Variants in TEAD1 observed in about 807,000 individuals in gnomAD.
TEAD1 encodes TEA domain transcription factor 1, also known as transcriptional enhancer factor TEF-1.
TEAD1 carries 9 observed loss-of-function variants against 54.9 expected under a neutral mutation model. The ratio of observed to expected loss-of-function variants is 0.16; its 90% CI spans 0.10 to 0.29. The LOEUF is 0.29. TEAD1 is among the 10% of genes least tolerant of loss of function. TEAD1 has a pLI of 1.00. For missense variants in TEAD1, 387 were observed against 535.9 expected, an observed-to-expected ratio of 0.72 and a Z score of 2.74; for synonymous variants, 200 against 187.8, an observed-to-expected ratio of 1.07 and a Z score of -0.53.
intron 5 of TEAD1, among the ~76,000 whole-genome samples, chr11:12,866,096 G>A (rs1486988768): frequency 3.9e-5 from 6 of 152,190 alleles, no homozygotes; most frequent in Non-Finnish European, 7.3e-5. Context: ...TCGCTCGCAC[G>A]TGTGGCTGAT....
intron 9 of TEAD1, among the ~76,000 whole-genome samples, chr11:12,899,229 G>A (rs1948376213): frequency 6.6e-6 from 1 of 152,202 alleles, no homozygotes; most frequent in Non-Finnish European, 1.5e-5. Flanking sequence ...AACTGGGGCG[G>A]TCTGAGAGCT....
At chr11:12,860,195 T>G (rs778999420) in intron 3 of TEAD1, among the ~76,000 whole-genome samples, 30 of 152,168 alleles carry the variant, frequency 2.0e-4, no homozygotes, top group Non-Finnish European at 3.5e-4. Context: ...GGACTGGACT[T>G]CTTGTTAAGA....
chr11:12,722,780 T>C (rs1055801356), intron 2 of TEAD1, among the ~76,000 whole-genome samples: 5 of 152,180 alleles, frequency 3.3e-5, no homozygotes, highest in African/African-American at 1.2e-4. Context: ...TTAGCCCTTG[T>C]CTGTATGCAG....
intron 2 of TEAD1, among the ~76,000 whole-genome samples, chr11:12,749,626 G>GC (rs898653061): frequency 2.0e-5 from 3 of 152,182 alleles, no homozygotes; most frequent in Admixed American, 2.0e-4. Context: ...GAAGGCGCAG[G>GC]CCTGATGTCA....
intron 3 of TEAD1, among the ~76,000 whole-genome samples, chr11:12,790,944 G>T (rs939059517): frequency 6.6e-6 from 1 of 152,222 alleles, no homozygotes; most frequent in Non-Finnish European, 1.5e-5. Flanking sequence ...TTGGAAAGCA[G>T]CCTGGCAGTT....
chr11:12,739,230 A>G (rs182000858), intron 2 of TEAD1, among the ~76,000 whole-genome samples: 1 of 150,818 alleles, frequency 6.6e-6, no homozygotes, highest in Non-Finnish European at 1.5e-5. Flanking sequence ...CTGTCTATCT[A>G]TCTATCTATC....
chr11:12,874,360 A>G (rs1589947946), intron 5 of TEAD1, among the ~76,000 whole-genome samples: 1 of 152,330 alleles, frequency 6.6e-6, no homozygotes, highest in East Asian at 1.9e-4. Flanking sequence ...TTTTAAGAGT[A>G]CACCACTCCA....
chr11:12,733,265 C>T (rs1369284881), intron 2 of TEAD1, among the ~76,000 whole-genome samples: 3 of 152,192 alleles, frequency 2.0e-5, no homozygotes, highest in Non-Finnish European at 4.4e-5. Context: ...AATTGGATGA[C>T]AGTGAACTTT....
intron 2 of TEAD1, among the ~76,000 whole-genome samples, chr11:12,704,212 G>A (rs552620757): frequency 2.2e-4 from 33 of 152,314 alleles, no homozygotes; most frequent in South Asian, 1.0e-3. Flanking sequence ...CTTCTGCCAA[G>A]CACAGGAAGA....
At chr11:12,830,460 A>T (rs939371661) in intron 3 of TEAD1, among the ~76,000 whole-genome samples, 2 of 152,074 alleles carry the variant, frequency 1.3e-5, no homozygotes, top group Non-Finnish European at 2.9e-5. Context: ...TTCATGTTAC[A>T]TCTGGCTGCA....
At chr11:12,766,037 G>A (rs1431855501) in intron 3 of TEAD1, among the ~76,000 whole-genome samples, 2 of 152,168 alleles carry the variant, frequency 1.3e-5, no homozygotes, top group Admixed American at 6.5e-5. Flanking sequence ...GTAGTGAAGG[G>A]TAGCCTTGGG....
chr11:12,879,266 C>T (rs954070836), intron 5 of TEAD1, among the ~76,000 whole-genome samples: 1 of 152,232 alleles, frequency 6.6e-6, no homozygotes, highest in African/African-American at 2.4e-5. Flanking sequence ...GATAGGGCTC[C>T]TCGAGCTCTG....
intron 3 of TEAD1, among the ~76,000 whole-genome samples, chr11:12,825,803 A>G (rs917393942): frequency 5.9e-5 from 9 of 152,224 alleles, no homozygotes; most frequent in African/African-American, 1.4e-4. Flanking sequence ...TGGTGTAAGG[A>G]TAGACAGTGG....
At chr11:12,861,539 G>A (rs1947503884) in intron 3 of TEAD1, among the ~76,000 whole-genome samples, 1 of 152,200 alleles carries the variant, frequency 6.6e-6, no homozygotes, top group Non-Finnish European at 1.5e-5. Context: ...ACTTGAATAA[G>A]AAGGAAAGTG....
chr11:12,916,471 A>C (rs983260227), intron 10 of TEAD1, among the ~76,000 whole-genome samples: 1 of 152,220 alleles, frequency 6.6e-6, no homozygotes, highest in African/African-American at 2.4e-5. Flanking sequence ...TGTGGTCAAT[A>C]TTTCAAATTG....
At chr11:12,712,876 G>A (rs1943973336) in intron 2 of TEAD1, among the ~76,000 whole-genome samples, 1 of 152,104 alleles carries the variant, frequency 6.6e-6, no homozygotes. Flanking sequence ...ATAGTACTTG[G>A]GCCTGAATTG....
At chr11:12,861,334 T>C (rs1947497015) in intron 3 of TEAD1, among the ~76,000 whole-genome samples, 1 of 152,210 alleles carries the variant, frequency 6.6e-6, no homozygotes, top group Non-Finnish European at 1.5e-5. Context: ...TTTTTGTTTA[T>C]ACTTTTGGGC....
chr11:12,814,777 C>CTGTGTGTGTGTG (rs397842274), intron 3 of TEAD1, among the ~76,000 whole-genome samples: 18 of 106,222 alleles, frequency 1.7e-4, no homozygotes, highest in African/African-American at 6.1e-4. Context: ...TCGCAGAGCT[C>CTGTGTGTGTGTG]TGTGTGTGTG....
At chr11:12,784,288 T>C (rs901049392) in intron 3 of TEAD1, among the ~76,000 whole-genome samples, 1 of 151,752 alleles carries the variant, frequency 6.6e-6, no homozygotes, top group African/African-American at 2.4e-5. Flanking sequence ...AGGGCCAGAG[T>C]TGGGGTAATG....
Sources: gnomAD v4.1 joint callset for allele counts (sites outside exome capture counted in the v4.1 genomes callset) on GRCh38, gnomAD v4.1.1 for gene constraint, MANE v1.5 for transcripts, NCBI Gene and HGNC (gene_info 2026-07-23, HGNC 2026-07-21) for gene names.